The following BSN variants were observed in gnomAD, a reference collection of about 807,000 sequenced individuals.
The protein encoded by BSN is bassoon presynaptic cytomatrix protein.
BSN carries 57 observed loss-of-function variants against 264.8 expected under a neutral mutation model. The observed-to-expected ratio is 0.22, with a 90% confidence interval of 0.17 to 0.27. The LOEUF is 0.27. BSN is among the 10% of genes least tolerant of loss of function. The pLI, the probability that BSN is intolerant of heterozygous loss-of-function variation, is 1.00. For synonymous variants in BSN, 2,059 were observed against 2,137.3 expected, an observed-to-expected ratio of 0.96 and a Z score of 1.01; for missense variants, 4,615 against 5,232.5, an observed-to-expected ratio of 0.88 and a Z score of 3.64.
intron 1 of BSN, among the ~76,000 whole-genome samples, chr3:49,566,788 G>GAAAAAA (rs36043715): frequency 1.2e-5 from 1 of 86,072 alleles, no homozygotes; most frequent in Admixed American, 1.5e-4. Context: ...TGTGTTTCAG[G>GAAAAAA]AAAAAAAAAA....
intron 1 of BSN, among the ~76,000 whole-genome samples, chr3:49,614,067 T>G (rs1438701482): frequency 4.2e-5 from 6 of 144,484 alleles, no homozygotes; most frequent in Non-Finnish European, 9.1e-5. Context: ...TTTTTTTTTT[T>G]TTTTTTTTGT....
intron 1 of BSN, among the ~76,000 whole-genome samples, chr3:49,569,133 G>C (rs1388333020): frequency 1.3e-5 from 2 of 152,170 alleles, no homozygotes; most frequent in Non-Finnish European, 2.9e-5. Flanking sequence ...GGAGGAATGG[G>C]CCTAGACCAG....
Position 49,625,959 on chromosome 3 carries a change from AATG to A in BSN, c.633+578_633+580del, listed in dbSNP as rs1413906236. On this transcript the variant is annotated intron_variant, in intron 2 of 11. Transcript: ENST00000296452. The surrounding 1 kb of genome is among the most constrained non-coding windows in gnomAD (Gnocchi z 4.4). ...GGGGCAGCTACCCCATCCCTAAAGA[AATG>A]ACCTTGGGGTAAAGAACCAGGCTGG... 1.3e-5 allele frequency among the ~76,000 whole-genome samples: 2 copies of A among 152,198 alleles called. No individual in the cohort carries two copies. The highest frequency in any genetic ancestry group is 2.9e-5 in the Non-Finnish European group (2 of 68,026).
At chr3:49,568,808 TC>T (rs1242634955) in intron 1 of BSN, among the ~76,000 whole-genome samples, 9 of 152,230 alleles carry the variant, frequency 5.9e-5, no homozygotes, top group Non-Finnish European at 1.3e-4. Flanking sequence ...TGCGATAGTT[TC>T]CTAGAAGTAG....
intron 1 of BSN, among the ~76,000 whole-genome samples, chr3:49,597,641 CT>C (rs1373396014): frequency 6.6e-6 from 1 of 151,616 alleles, no homozygotes; most frequent in South Asian, 2.1e-4. Flanking sequence ...CATTATTGTA[CT>C]TTTTTTTTCT....
chr3:49,663,681 C>T lies in BSN; in HGVS notation c.11508+15C>T, dbSNP rs1208961756. 2.5e-6 allele frequency: 4 copies of T among 1,602,546 alleles called. No homozygotes were observed. The highest frequency in any genetic ancestry group is 3.4e-6 in the Non-Finnish European group (4 of 1,173,238). Reference sequence around the variant, plus strand: ...CAGCAGGACCGGTAAGCAGAGCTCCCATGCATGGGTTGTAACCAGGGAAGA... The same window carrying T: ...CAGCAGGACCGGTAAGCAGAGCTCCTATGCATGGGTTGTAACCAGGGAAGA... On this transcript the variant is annotated intron_variant, in intron 7 of 11. Transcript: ENST00000296452.
At chr3:49,593,805 G>GTTT (rs567958573) in intron 1 of BSN, among the ~76,000 whole-genome samples, 8 of 110,082 alleles carry the variant, frequency 7.3e-5, no homozygotes, top group Non-Finnish European at 1.2e-4. Flanking sequence ...TTTGTTTTTT[G>GTTT]TTTTTTTTTT....
Position 49,662,418 on chromosome 3 carries a change from G to T in BSN, c.10573G>T (p.Gly3525Trp), listed in dbSNP as rs201233174. The T allele has an allele frequency of 6.2e-7, 1 of 1,613,518 alleles. No individual in the cohort carries two copies. The highest frequency in any genetic ancestry group is 8.5e-7 in the Non-Finnish European group (1 of 1,180,020). ...TGCCGGAGGGCCCCTCCCTCCCGGC[G>T]GGGATACCTGCCCACAGTTCTGCTC... is the stretch of plus-strand genomic sequence containing the variant. ...RPAGGPLPPG[G>W]DTCPQFCSSH... is the part of the protein sequence containing the mutation. The change falls in exon 6 of 12, where the codon GGG (glycine) becomes TGG (tryptophan). Residue 3525 changes from glycine to tryptophan, a missense_variant. Transcript: ENST00000296452.
chr3:49,554,539 A>T lies in BSN; in HGVS notation c.-64A>T. ...CAGCGGCGGCGCCGAGAGTGTGAGC[A>T]CCGCCCGGGAGCCGCCGGCCCGGGC... On this transcript the variant is annotated 5_prime_UTR_variant, in exon 1 of 12. Transcript: ENST00000296452. 1 of 597,202 alleles carries T rather than the reference A, an allele frequency of 1.7e-6. No individual in the cohort carries two copies. Among genetic ancestry groups the T allele is most frequent in the Non-Finnish European group, 2.1e-6 (1 of 476,942 alleles). 37.0% of individuals were successfully genotyped at this position (597,202 alleles called of 1,614,324 possible).
Position 49,617,283 on chromosome 3 carries a change from TTATATATATATA to T in BSN, c.225-7667_225-7656del, listed in dbSNP as rs6147817. On this transcript the variant is annotated intron_variant, in intron 1 of 11. Transcript: ENST00000296452. ...AAAGTAAAATAAAAAATAAAATACA[TTATATATATATA>T]TATATATATATATATATATATATAA... Among the ~76,000 whole-genome samples, 50 of 122,088 alleles carry T rather than the reference TTATATATATATA, an allele frequency of 4.1e-4. 2 individuals carry two copies. The highest frequency in any genetic ancestry group is 9.0e-4 in the African/African-American group (29 of 32,076). The allele number at this position is 122,088 out of a possible 152,430, so 80.1% of individuals were successfully genotyped here. A position where few individuals can be genotyped will look rare whatever the true frequency, so the allele number is the denominator to read the frequency against.
intron 1 of BSN, among the ~76,000 whole-genome samples, chr3:49,581,655 C>T (rs2051896195): frequency 2.0e-5 from 3 of 151,736 alleles, no homozygotes; most frequent in South Asian, 4.2e-4. Flanking sequence ...GAAACCCTGT[C>T]TCTACTAAAA....
At chr3:49,571,410 A>G (rs529181816) in intron 1 of BSN, among the ~76,000 whole-genome samples, 10 of 152,208 alleles carry the variant, frequency 6.6e-5, no homozygotes, top group Middle Eastern at 3.4e-3. Context: ...TAAGAATGGC[A>G]TACTTCCTGC....
chr3:49,609,934 C>G (rs971689299), intron 1 of BSN, among the ~76,000 whole-genome samples: 2 of 152,208 alleles, frequency 1.3e-5, no homozygotes, highest in African/African-American at 4.8e-5. Flanking sequence ...AGAGCCTCTG[C>G]TTCTCTGATC....
At chr3:49,618,251 A>C (rs985274098) in intron 1 of BSN, among the ~76,000 whole-genome samples, 5 of 152,086 alleles carry the variant, frequency 3.3e-5, no homozygotes, top group African/African-American at 1.2e-4. Flanking sequence ...CAACCAAACC[A>C]AACCCAAACT....
intron 2 of BSN, among the ~76,000 whole-genome samples, chr3:49,639,169 C>A (rs577163416): frequency 1.3e-5 from 2 of 151,870 alleles, no homozygotes; most frequent in East Asian, 1.9e-4. Context: ...CAAACATAGA[C>A]AAAGCTGCCT....
rs751784766 is a variant in BSN, at chr3:49,657,772, C to T, written c.8216C>T (p.Ala2739Val). The change falls in exon 5 of 12, where the codon GCC becomes GTC. Residue 2739 changes from alanine (A) to valine (V), a missense_variant. Around this residue, in one of 3 missense-constraint regions of BSN, gnomAD observed 3,415 missense variants for 3,866.4 expected, o/e 0.88. Transcript: ENST00000296452. ...GGGCCGCAGCTTGTAGGGCCAACTG[C>T]CATCAGCCCCTACCTGCCTGGCATC... is the stretch of plus-strand genomic sequence containing the variant. Reference protein sequence around the residue: ...VAGPQLVGPTAISPYLPGIQI... With the variant: ...VAGPQLVGPTVISPYLPGIQI... 7 of 1,556,248 alleles carry T rather than the reference C, an allele frequency of 4.5e-6. No individual in the cohort carries two copies. Among genetic ancestry groups the T allele is most frequent in the Non-Finnish European group, 6.1e-6 (7 of 1,149,420 alleles).
chr3:49,652,678 CAGA>C lies in BSN; in HGVS notation c.3123_3125del (p.Glu1045del). ...CTGCTACCCACCATCGAGGACTCCT[CAGA>C]GGAGGAGGAGCTGCGGGAGGAAGAG... On this transcript the variant is annotated inframe_deletion, in exon 5 of 12. Coordinates refer to ENST00000296452, the MANE Select transcript of BSN (RefSeq NM_003458.4). 1 of 1,589,430 alleles carries C rather than the reference CAGA, an allele frequency of 6.3e-7. No individual in the cohort carries two copies. The highest frequency in any genetic ancestry group is 1.1e-5 in the South Asian group (1 of 87,758).
chr3:49,664,432 C>G lies in BSN; in HGVS notation c.11618C>G (p.Ala3873Gly), dbSNP rs1392008421. Residue 3873 changes from alanine to glycine, a missense_variant, in exon 9 of 12, where the codon GCT becomes GGT. Ala to Gly is a moderately conservative substitution (Grantham distance 60). Around this residue, in one of 3 missense-constraint regions of BSN, gnomAD observed 3,415 missense variants for 3,866.4 expected, o/e 0.88. Coordinates refer to ENST00000296452, the MANE Select transcript of BSN (RefSeq NM_003458.4). ...ATTTCTTTCCTCCTAGGTGTGAAGG[C>G]TGGAGCCAGGCCTGGAGGAACCCCA... ...APGPGPAGVK[A>G]GARPGGTPGA... The G allele has an allele frequency of 6.2e-7, 1 of 1,613,764 alleles. No homozygotes were observed. Among genetic ancestry groups the G allele is most frequent in the South Asian group, 1.1e-5 (1 of 91,084 alleles).
intron 5 of BSN, 29 bp downstream of exon 5, chr3:49,658,225 G>A: frequency 6.6e-7 from 1 of 1,507,768 alleles, no homozygotes; most frequent in Non-Finnish European, 8.9e-7. Context: ...TTCCAGGGTG[G>A]GACAGGGGTC....
Sources: allele counts gnomAD v4.1 joint callset (sites outside exome capture counted in the v4.1 genomes callset), GRCh38; gene constraint gnomAD v4.1.1; regional missense constraint gnomAD v4.1.1; non-coding constraint Gnocchi (gnomAD v3.1); transcripts MANE v1.5; gene names NCBI Gene and HGNC (gene_info 2026-07-23, HGNC 2026-07-21).